The following MAST3 variants were observed in gnomAD, a reference collection of about 807,000 sequenced individuals.
MAST3 encodes microtubule-associated serine/threonine-protein kinase 3.
Under a neutral mutation model 127.0 loss-of-function variants are expected in MAST3, and 43 were observed. The ratio of observed to expected loss-of-function variants is 0.34; its 90% CI spans 0.27 to 0.44. The LOEUF is 0.44. MAST3 is among the 20% of genes least tolerant of loss of function. The pLI, the probability that MAST3 is intolerant of heterozygous loss-of-function variation, is 1.00. For missense variants in MAST3, 1,390 were observed against 1,919.1 expected, an observed-to-expected ratio of 0.72 and a Z score of 5.15; for synonymous variants, 785 against 809.2, an observed-to-expected ratio of 0.97 and a Z score of 0.51.
chr19:18,107,485 T>G, intron 1 of MAST3, 102 bp from the exon 2 acceptor site: 1 of 1,158,502 alleles, frequency 8.6e-7, no homozygotes, highest in Non-Finnish European at 1.3e-6. Context: ...GAAAGATGCA[T>G]TGGTTGGGGC....
chr19:18,127,847 A>AAC (rs1555799791), intron 11 of MAST3, among the ~76,000 whole-genome samples: 1 of 151,742 alleles, frequency 6.6e-6, no homozygotes, highest in Non-Finnish European at 1.5e-5. Flanking sequence ...TGACAGAGCG[A>AAC]GACTCCATGT....
rs1298539392 is a variant in MAST3, at chr19:18,107,442, A to AG, written c.40-143dup. ...GCGCACAGATAGCGCAAAGGCCTTG[A>AG]GGCAGGGCTGAGCCAGTGTGTAGAG... On this transcript the variant is annotated intron_variant, in intron 1 of 27. Coordinates refer to ENST00000687212, the MANE Select transcript of MAST3 (RefSeq NM_001393504.1). The AG allele has an allele frequency of 3.5e-6, 3 of 849,400 alleles. No individual in the cohort carries two copies. In the Admixed American group the frequency reaches 5.7e-5, roughly 16 times the overall value. 52.6% of individuals were successfully genotyped at this position (849,400 alleles called of 1,614,324 possible). A position where few individuals can be genotyped will look rare whatever the true frequency, so the allele number is the denominator to read the frequency against.
intron 3 of MAST3, chr19:18,118,390 T>TCGATCCACAGGC: frequency 2.7e-6 from 1 of 375,404 alleles, no homozygotes; most frequent in Non-Finnish European, 3.7e-6. Context: ...GGAGGACGCC[T>TCGATCCACAGGC]GTGGATCGAG....
Position 18,145,122 on chromosome 19 carries a change from C to A in MAST3, c.2932C>A (p.Pro978Thr). The A allele has an allele frequency of 6.2e-7, 1 of 1,613,790 alleles. No individual in the cohort carries two copies. Among genetic ancestry groups the A allele is most frequent in the South Asian group, 1.1e-5 (1 of 91,082 alleles). Residue 978 changes from proline to threonine, a missense_variant, in exon 24 of 28, where the codon CCC (proline) becomes ACC (threonine). By Grantham distance (38) the Pro-to-Thr change is conservative. Coordinates refer to ENST00000687212, the MANE Select transcript of MAST3 (RefSeq NM_001393504.1). The surrounding 1 kb of genome is among the most constrained non-coding windows in gnomAD (Gnocchi z 5.9). Reference protein sequence around the residue: ...DPSPVCGSLRPPIVIHSSGKK... With the variant: ...DPSPVCGSLRTPIVIHSSGKK... ...GTCCCCCGTGTGTGGCAGCCTGCGG[C>A]CCCCCATCGTTATCCACAGCTCTGG... is the stretch of plus-strand genomic sequence containing the variant.
chr19:18,114,466 G>A (rs2038999003), intron 3 of MAST3, among the ~76,000 whole-genome samples: 1 of 152,136 alleles, frequency 6.6e-6, no homozygotes, highest in Admixed American at 6.6e-5. Context: ...TGGGATTACA[G>A]GCATAAGCCA....
At position 18,141,873 on chromosome 19, in the gene MAST3, G is replaced by C. The variant is rs1216331134; in HGVS notation, c.2206-9G>C. The C allele has an allele frequency of 7.1e-7, 1 of 1,411,846 alleles. No individual in the cohort carries two copies. The highest frequency in any genetic ancestry group is 9.4e-7 in the Non-Finnish European group (1 of 1,067,516). 87.5% of individuals were successfully genotyped at this position (1,411,846 alleles called of 1,614,324 possible). ...ACCCGGCTTACCATTCTTTTGTCTT[G>C]CCTCCCAGGTCTACAGCAGCTCTGA... On this transcript the variant is annotated splice_polypyrimidine_tract_variant and intron_variant, in intron 20 of 27. Coordinates refer to ENST00000687212, the MANE Select transcript of MAST3 (RefSeq NM_001393504.1).
At chr19:18,133,711 G>C (rs1431987179) in intron 15 of MAST3, among the ~76,000 whole-genome samples, 3 of 151,872 alleles carry the variant, frequency 2.0e-5, no homozygotes, top group African/African-American at 7.3e-5. Context: ...GCGCCACCAC[G>C]CCCAGATAAT....
Position 18,149,903 on chromosome 19 carries a change from G to GT in MAST3, c.*177_*178insT. ...CGCTTGTGTTCTGGTGTCAATCGGGGCTGGATGGGGCAAGAATGGGGGACA... is the reference window on the plus strand; with the variant it reads ...CGCTTGTGTTCTGGTGTCAATCGGGGTCTGGATGGGGCAAGAATGGGGGACA... On this transcript the variant is annotated 3_prime_UTR_variant, in exon 28 of 28. Coordinates refer to ENST00000687212, the MANE Select transcript of MAST3 (RefSeq NM_001393504.1). This position sits in a 1 kb window ranked among gnomAD's most constrained non-coding sequence, Gnocchi z 5.9. The GT allele has an allele frequency of 1.3e-6, 1 of 750,328 alleles. No homozygotes were observed. Among genetic ancestry groups the GT allele is most frequent in the Non-Finnish European group, 2.0e-6 (1 of 488,496 alleles). 46.5% of individuals were successfully genotyped at this position (750,328 alleles called of 1,614,324 possible). A position where few individuals can be genotyped will look rare whatever the true frequency, so the allele number is the denominator to read the frequency against.
In MAST3 at chr19:18,145,376, G is replaced by T. The variant is rs868316410; in HGVS notation, c.3039+147G>T. ...AGTTCATCTCGGTCCCTGTCATTTG[G>T]CAGGGAGGAGGTCAGATGAGAGAGA... On this transcript the variant is annotated intron_variant, in intron 24 of 27. Coordinates refer to ENST00000687212, the MANE Select transcript of MAST3 (RefSeq NM_001393504.1). This position sits in a 1 kb window ranked among gnomAD's most constrained non-coding sequence, Gnocchi z 5.9. 2.2e-5 allele frequency: 17 copies of T among 769,108 alleles called. No homozygotes were observed. The Admixed American group carries it at 3.7e-4, about 17-fold the overall frequency. The allele number at this position is 769,108 out of a possible 1,614,324, so 47.6% of individuals were successfully genotyped here.
Position 18,145,303 on chromosome 19 carries a change from T to G in MAST3, c.3039+74T>G. 1 of 1,437,770 alleles carries G rather than the reference T, an allele frequency of 7.0e-7. No homozygotes were observed. Among genetic ancestry groups the G allele is most frequent in the South Asian group, 1.2e-5 (1 of 85,260 alleles). The allele number at this position is 1,437,770 out of a possible 1,614,324, so 89.1% of individuals were successfully genotyped here. On this transcript the variant is annotated intron_variant, in intron 24 of 27. Coordinates refer to ENST00000687212, the MANE Select transcript of MAST3 (RefSeq NM_001393504.1). This position sits in a 1 kb window ranked among gnomAD's most constrained non-coding sequence, Gnocchi z 5.9. ...GCCCGGTCATGTCCCTTCTCAGAGC[T>G]GCATTTTGGAGCCTGGCAGGGTTAG...
rs1464631564 is a variant in MAST3, at chr19:18,122,007, C to A, written c.320+85C>A. 5 of 1,554,022 alleles carry A rather than the reference C, an allele frequency of 3.2e-6. No individual in the cohort carries two copies. The Admixed American group carries it at 5.6e-5, about 17-fold the overall frequency. On this transcript the variant is annotated intron_variant, in intron 5 of 27. Coordinates refer to ENST00000687212, the MANE Select transcript of MAST3 (RefSeq NM_001393504.1). Reference sequence around the variant, plus strand: ...GCACGTGCTCGGTGGCTAGACCTGGCTCCTCATTCATTTCATTCACCTTTT... The same window carrying A: ...GCACGTGCTCGGTGGCTAGACCTGGATCCTCATTCATTTCATTCACCTTTT...
At chr19:18,130,403 C>T (rs1308939064) in intron 13 of MAST3, 91 bp from the exon 14 acceptor site, 17 of 1,180,794 alleles carry the variant, frequency 1.4e-5, no homozygotes, top group Admixed American at 2.0e-5. Flanking sequence ...AGGCAAAGGC[C>T]AGGCAGGTTG....
intron 1 of MAST3, among the ~76,000 whole-genome samples, chr19:18,105,802 G>T (rs749942007): frequency 5.3e-5 from 8 of 152,148 alleles, no homozygotes; most frequent in Non-Finnish European, 8.8e-5. Flanking sequence ...ACCCAGAGTT[G>T]GTGCAGGTCA....
In MAST3 at chr19:18,149,014, G is replaced by A. The variant is rs1050905324; in HGVS notation, c.3509-177G>A. ...GGAGGTTGAGGCTATGATTGAGCCA[G>A]TGCACTACAGTCTGGGCAACAGAGC... On this transcript the variant is annotated intron_variant, in intron 27 of 27. Coordinates refer to ENST00000687212, the MANE Select transcript of MAST3 (RefSeq NM_001393504.1). This position sits in a 1 kb window ranked among gnomAD's most constrained non-coding sequence, Gnocchi z 5.9. Among the ~76,000 whole-genome samples the A allele has an allele frequency of 2.6e-5, 4 of 152,140 alleles. No homozygotes were observed. The highest frequency in any genetic ancestry group is 9.7e-5 in the African/African-American group (4 of 41,430).
In MAST3 at chr19:18,146,994, C is replaced by CCGT. The variant is rs1568615349; in HGVS notation, c.3279_3281dup (p.Arg1095dup). 2 of 1,570,612 alleles carry CCGT rather than the reference C, an allele frequency of 1.3e-6. No individual in the cohort carries two copies. Among genetic ancestry groups the CCGT allele is most frequent in the Non-Finnish European group, 1.7e-6 (2 of 1,158,426 alleles). ...GCATGGCACGCAGGAGCAAGAGGAG[C>CCGT]CGTCGGCGGGAGACCCAGGATCGGT... On this transcript the variant is annotated inframe_insertion, in exon 26 of 28. Transcript: ENST00000687212.
In MAST3 at chr19:18,149,165, C is replaced by A. The variant is rs1282242798; in HGVS notation, c.3509-26C>A. The stretch of plus-strand genomic sequence containing the variant: ...GGGCTGGGGACATTGAGGCCAGCAG[C>A]CCTGACCTACGCTTATCACCCACAG... On this transcript the variant is annotated intron_variant, in intron 27 of 27. Coordinates refer to ENST00000687212, the MANE Select transcript of MAST3 (RefSeq NM_001393504.1). This position sits in a 1 kb window ranked among gnomAD's most constrained non-coding sequence, Gnocchi z 5.9. 1 of 1,467,744 alleles carries A rather than the reference C, an allele frequency of 6.8e-7. No homozygotes were observed. 90.9% of individuals were successfully genotyped at this position (1,467,744 alleles called of 1,614,324 possible). A position where few individuals can be genotyped will look rare whatever the true frequency, so the allele number is the denominator to read the frequency against.
intron 10 of MAST3, 97 bp from the exon 11 acceptor site, chr19:18,124,545 G>C (rs920222647): frequency 5.5e-6 from 8 of 1,463,926 alleles, no homozygotes; most frequent in Non-Finnish European, 7.4e-6. Flanking sequence ...GACCCAGTGG[G>C]TGAGCTGGGA....
Position 18,099,246 on chromosome 19 carries a change from A to G in MAST3, c.39+1415A>G, listed in dbSNP as rs1440320598. ...GAAGGCACGGGCTGAGCTGCAGATC[A>G]GAGACACCCGGTCTCTGGCCGCGCG... On this transcript the variant is annotated intron_variant, in intron 1 of 27. Coordinates refer to ENST00000687212, the MANE Select transcript of MAST3 (RefSeq NM_001393504.1). 1.3e-5 allele frequency among the ~76,000 whole-genome samples: 2 copies of G among 150,042 alleles called. 1 individual carries two copies.
intron 20 of MAST3, 130 bp downstream of exon 20, chr19:18,139,254 T>A: frequency 1.5e-6 from 1 of 671,924 alleles, no homozygotes; most frequent in South Asian, 1.7e-5. Context: ...CTGCCCAGGC[T>A]GGTCTCCAAC....
Sources: allele counts gnomAD v4.1 joint callset (sites outside exome capture counted in the v4.1 genomes callset), GRCh38; gene constraint gnomAD v4.1.1; non-coding constraint Gnocchi (gnomAD v3.1); transcripts MANE v1.5; gene names NCBI Gene and HGNC (gene_info 2026-07-23, HGNC 2026-07-21).